MRRF: variants seen among roughly 807,000 people sequenced by gnomAD.
MRRF encodes ribosome-recycling factor, mitochondrial.
A neutral mutation model predicts 25.1 loss-of-function variants in MRRF; 18 were observed. The ratio of observed to expected loss-of-function variants is 0.72; its 90% CI spans 0.50 to 1.06. The LOEUF (loss-of-function observed/expected upper bound fraction) is 1.06, where lower values mean the gene tolerates loss of function less well. Ranked by LOEUF, MRRF falls within the 50% of genes least tolerant of loss-of-function variation. The pLI, the probability that MRRF is intolerant of heterozygous loss-of-function variation, is 0.00. For synonymous variants in MRRF, 113 were observed against 112.1 expected, an observed-to-expected ratio of 1.01 and a Z score of -0.05; for missense variants, 323 against 319.3, an observed-to-expected ratio of 1.01 and a Z score of -0.09.
At position 122,327,692 on chromosome 9, in the gene MRRF, GTGT is replaced by G. The variant is rs1019060907; in HGVS notation, c.*5080_*5082del. 2.0e-5 allele frequency: 3 copies of G among 152,170 alleles called. No individual in the cohort carries two copies. The highest frequency in any genetic ancestry group is 4.8e-5 in the African/African-American group (2 of 41,430). 9.4% of individuals were successfully genotyped at this position (152,170 alleles called of 1,614,324 possible). On this transcript the variant is annotated 3_prime_UTR_variant, in exon 7 of 7. Transcript: ENST00000344641. ...GATTCTGCTTTGTGAAAGTACTGCT[GTGT>G]TGTTTTATACATAGCGCTCCAGACG...
At chr9:122,273,367 A>G (rs1832578628) in intron 2 of MRRF, among the ~76,000 whole-genome samples, 1 of 150,824 alleles carries the variant, frequency 6.6e-6, no homozygotes, top group Non-Finnish European at 1.5e-5. Context: ...GCTTGAGCCC[A>G]GTAGGTCAAG....
chr9:122,294,477 A>G (rs1397095300), intron 5 of MRRF, among the ~76,000 whole-genome samples: 1 of 152,210 alleles, frequency 6.6e-6, no homozygotes, highest in East Asian at 1.9e-4. Flanking sequence ...GAGAAAGTTG[A>G]TGGACCAAAA....
intron 5 of MRRF, among the ~76,000 whole-genome samples, chr9:122,312,400 T>C (rs978465500): frequency 6.6e-6 from 1 of 152,242 alleles, no homozygotes; most frequent in Non-Finnish European, 1.5e-5. Context: ...ACTTCAGAGC[T>C]TATTCTTTCT....
intron 6 of MRRF, among the ~76,000 whole-genome samples, chr9:122,319,407 C>T (rs1441683966): frequency 1.3e-5 from 2 of 152,126 alleles, no homozygotes; most frequent in Admixed American, 6.5e-5. Context: ...GCCTTGGCCT[C>T]CCAAAGTGCT....
chr9:122,313,180 G>A, intron 5 of MRRF, 47 bp from the exon 6 acceptor site: 2 of 1,587,980 alleles, frequency 1.3e-6, no homozygotes, highest in Non-Finnish European at 1.7e-6. Context: ...TTGGCCAGCA[G>A]TTAATGTATA....
At position 122,323,780 on chromosome 9, in the gene MRRF, C is replaced by T. The variant is rs893669320; in HGVS notation, c.*1163C>T. ...TCATTTACAAATAGGAAAACTAAGT[C>T]TTGACAGTATTAGGTAATTTGCCCA... On this transcript the variant is annotated 3_prime_UTR_variant, in exon 7 of 7. Transcript: ENST00000344641. The T allele has an allele frequency of 1.1e-4, 16 of 152,108 alleles. No individual in the cohort carries two copies. Among genetic ancestry groups the T allele is most frequent in the Non-Finnish European group, 2.1e-4 (14 of 68,016 alleles). 9.4% of individuals were successfully genotyped at this position (152,108 alleles called of 1,614,324 possible).
Position 122,296,796 on chromosome 9 carries a change from T to C in MRRF, c.551+4956T>C, listed in dbSNP as rs945884169. On this transcript the variant is annotated intron_variant, in intron 5 of 6. Coordinates refer to ENST00000344641, the MANE Select transcript of MRRF (RefSeq NM_138777.5). ...CTCCCTTACTCATTGTTTTACCAAA[T>C]GTCTATGGGAAAACCACACTAAGTA... is the stretch of plus-strand genomic sequence containing the variant. Among the ~76,000 whole-genome samples the C allele has an allele frequency of 9.2e-5, 14 of 152,258 alleles. No homozygotes were observed. The East Asian group carries it at 1.5e-3, about 17-fold the overall frequency.
intron 1 of MRRF, among the ~76,000 whole-genome samples, chr9:122,266,550 T>G (rs566225367): frequency 6.6e-6 from 1 of 152,342 alleles, no homozygotes; most frequent in African/African-American, 2.4e-5. Context: ...TCTTTAGTTA[T>G]GAGAACCAGT....
At chr9:122,276,400 C>T (rs971477732) in intron 2 of MRRF, among the ~76,000 whole-genome samples, 1 of 152,220 alleles carries the variant, frequency 6.6e-6, no homozygotes, top group Non-Finnish European at 1.5e-5. Context: ...AAGTGATCCT[C>T]TCGCCTTGGC....
At chr9:122,305,431 T>A (rs74832556) in intron 5 of MRRF, among the ~76,000 whole-genome samples, 6 of 147,380 alleles carry the variant, frequency 4.1e-5, no homozygotes, top group Admixed American at 6.7e-5. Context: ...AAAAAAAAAA[T>A]TGTAACGATG....
chr9:122,291,747 A>C lies in MRRF; in HGVS notation c.460-2A>C. On this transcript the variant is annotated splice_acceptor_variant, in intron 4 of 6. Coordinates refer to ENST00000344641, the MANE Select transcript of MRRF (RefSeq NM_138777.5). LOFTEE classifies it high-confidence loss of function. ...CTGTTTACCTTTTGATCTGGTTTTC[A>C]GTGTACAGCTGCAGCTATCAAGGCT... The C allele has an allele frequency of 1.2e-6, 2 of 1,606,670 alleles. No individual in the cohort carries two copies. Among genetic ancestry groups the C allele is most frequent in the Non-Finnish European group, 1.7e-6 (2 of 1,173,192 alleles).
intron 3 of MRRF, among the ~76,000 whole-genome samples, chr9:122,281,394 T>C (rs77009356): frequency 0.012 from 1,766 of 152,302 alleles, 24 homozygotes; most frequent in African/African-American, 0.039. Context: ...ATTAGGATAG[T>C]TCATAAGAAA....
At chr9:122,306,973 C>T (rs1834886510) in intron 5 of MRRF, among the ~76,000 whole-genome samples, 1 of 152,124 alleles carries the variant, frequency 6.6e-6, no homozygotes, top group South Asian at 2.1e-4. Context: ...GAAGTCCTTC[C>T]AAAATGTATG....
At chr9:122,303,191 A>G (rs1340076644) in intron 5 of MRRF, among the ~76,000 whole-genome samples, 3 of 151,974 alleles carry the variant, frequency 2.0e-5, no homozygotes, top group Admixed American at 6.6e-5. Flanking sequence ...CGAAAAGTTC[A>G]TTTATTGTTC....
In MRRF at chr9:122,330,993, C is replaced by G. The variant is rs1383960977; in HGVS notation, c.*8376C>G. On this transcript the variant is annotated 3_prime_UTR_variant, in exon 7 of 7. Coordinates refer to ENST00000344641, the MANE Select transcript of MRRF (RefSeq NM_138777.5). The surrounding 1 kb of genome is among the most constrained non-coding windows in gnomAD (Gnocchi z 4.2). ...TGACCCGCAACTAGGCAGCCTCATA[C>G]ATTATTTTCACTAAGAGACCAGTGG... The G allele has an allele frequency of 1.3e-5, 2 of 152,190 alleles. No homozygotes were observed. Among genetic ancestry groups the G allele is most frequent in the Non-Finnish European group, 2.9e-5 (2 of 68,044 alleles). 9.4% of individuals were successfully genotyped at this position (152,190 alleles called of 1,614,324 possible). A position where few individuals can be genotyped will look rare whatever the true frequency, so the allele number is the denominator to read the frequency against.
chr9:122,289,134 C>T (rs1833591712), intron 4 of MRRF, among the ~76,000 whole-genome samples: 1 of 152,150 alleles, frequency 6.6e-6, no homozygotes, highest in Admixed American at 6.5e-5. Flanking sequence ...ATGTAGAATT[C>T]AGTAGGTTTC....
chr9:122,279,787 G>A (rs1278050960), intron 2 of MRRF, among the ~76,000 whole-genome samples: 1 of 152,120 alleles, frequency 6.6e-6, no homozygotes. Flanking sequence ...CCTTTTGTCT[G>A]TACTCTACCA....
intron 6 of MRRF, among the ~76,000 whole-genome samples, chr9:122,319,225 A>C (rs1304523843): frequency 7.0e-6 from 1 of 143,646 alleles, no homozygotes; most frequent in African/African-American, 2.6e-5. Context: ...ATCTTGGCTC[A>C]GTGCAAGCTC....
At chr9:122,309,993 G>A (rs1835105073) in intron 5 of MRRF, among the ~76,000 whole-genome samples, 1 of 152,230 alleles carries the variant, frequency 6.6e-6, no homozygotes, top group Non-Finnish European at 1.5e-5. Context: ...TTCCAAAAAT[G>A]TAACCAACAA....
Sources: gnomAD v4.1 joint callset for allele counts (sites outside exome capture counted in the v4.1 genomes callset) on GRCh38, gnomAD v4.1.1 for gene constraint, Gnocchi (gnomAD v3.1) non-coding constraint, MANE v1.5 for transcripts, NCBI Gene and HGNC (gene_info 2026-07-23, HGNC 2026-07-21) for gene names.